LRRC28: variants seen among roughly 807,000 people sequenced by gnomAD.
The protein encoded by LRRC28 is leucine-rich repeat-containing protein 28.
LRRC28 carries 39 observed loss-of-function variants against 45.7 expected under a neutral mutation model. The observed-to-expected ratio is 0.85, with a 90% CI of 0.66 to 1.12. The LOEUF (loss-of-function observed/expected upper bound fraction) is 1.12. LRRC28 is among the 50% of genes most tolerant of loss of function. The probability of loss-of-function intolerance (pLI) is 0.00; values close to 1 mark genes in which losing one functional copy is unlikely to be tolerated. For synonymous variants in LRRC28, 206 were observed against 178.8 expected, an observed-to-expected ratio of 1.15 and a Z score of -1.22; for missense variants, 435 against 438.5, an observed-to-expected ratio of 0.99 and a Z score of 0.07.
chr15:99,252,357 T>A (rs1276883774), intron 1 of LRRC28, among the ~76,000 whole-genome samples: 1 of 152,252 alleles, frequency 6.6e-6, no homozygotes, highest in Non-Finnish European at 1.5e-5. Context: ...TTTGTTTAGA[T>A]TTTATCTCCC....
chr15:99,370,785 A>C (rs936391828), intron 9 of LRRC28, among the ~76,000 whole-genome samples: 4 of 152,196 alleles, frequency 2.6e-5, no homozygotes, highest in African/African-American at 9.7e-5. Context: ...GTGTATATCT[A>C]TGTGCACATA....
At chr15:99,382,119 G>T (rs190239409) in intron 9 of LRRC28, among the ~76,000 whole-genome samples, 205 of 152,344 alleles carry the variant, frequency 1.3e-3, no homozygotes, top group African/African-American at 4.0e-3. Flanking sequence ...GCTATGCCCT[G>T]CCCCGAGAGG....
In LRRC28 at chr15:99,342,177, T is replaced by G. The variant is rs189806887; in HGVS notation, c.592+8048T>G. 7.9e-5 allele frequency among the ~76,000 whole-genome samples: 12 copies of G among 152,318 alleles called. No individual in the cohort carries two copies. The East Asian group carries it at 2.3e-3, about 29-fold the overall frequency. On this transcript the variant is annotated intron_variant, in intron 6 of 9. Transcript: ENST00000301981. The stretch of plus-strand genomic sequence containing the variant: ...CTTTAAAGCAAGCAAAGAGAAACTT[T>G]TTTCCTCACTTATCTCTTTGGCAAT...
At chr15:99,261,027 G>C (rs1597156765) in intron 2 of LRRC28, among the ~76,000 whole-genome samples, 2 of 151,992 alleles carry the variant, frequency 1.3e-5, no homozygotes, top group South Asian at 4.2e-4. Context: ...TAGGCCTGTT[G>C]CTGAGAAGAG....
chr15:99,257,229 T>C (rs532586177), intron 2 of LRRC28, among the ~76,000 whole-genome samples: 2 of 152,370 alleles, frequency 1.3e-5, no homozygotes, highest in African/African-American at 2.4e-5. Context: ...TGCCTACTTA[T>C]ATTTCTGAAA....
chr15:99,267,418 G>A (rs1273954561), intron 2 of LRRC28, among the ~76,000 whole-genome samples: 3 of 152,184 alleles, frequency 2.0e-5, no homozygotes, highest in South Asian at 2.1e-4. Context: ...ATTAAGTTTT[G>A]TTATTAGTTT....
At chr15:99,254,204 A>C (rs1054865758) in intron 1 of LRRC28, among the ~76,000 whole-genome samples, 1 of 152,266 alleles carries the variant, frequency 6.6e-6, no homozygotes, top group African/African-American at 2.4e-5. Context: ...ATTATCTTGC[A>C]CAAAGTCACA....
intron 6 of LRRC28, among the ~76,000 whole-genome samples, chr15:99,342,270 T>C (rs2152305194): frequency 6.6e-6 from 1 of 152,300 alleles, no homozygotes; most frequent in South Asian, 2.1e-4. Flanking sequence ...TCTCTCACCC[T>C]TAGCCCCCGG....
At chr15:99,308,324 T>TA (rs956594672) in intron 5 of LRRC28, among the ~76,000 whole-genome samples, 25 of 151,516 alleles carry the variant, frequency 1.6e-4, no homozygotes, top group Admixed American at 1.1e-3. Flanking sequence ...ACTTAATCTT[T>TA]AAAAAAAAAG....
chr15:99,382,346 TC>T (rs1957854841), intron 9 of LRRC28, among the ~76,000 whole-genome samples: 1 of 152,172 alleles, frequency 6.6e-6, no homozygotes, highest in Non-Finnish European at 1.5e-5. Context: ...TGGGATATAA[TC>T]TTCTGGTGTG....
Position 99,333,988 on chromosome 15 carries a change from G to A in LRRC28, c.451G>A (p.Glu151Lys), listed in dbSNP as rs1279746274. ...TACCAATCGTTTGCTAACTTTACCC[G>A]AGAGGCTTCACATGTGCCTTTCTCT... is the stretch of plus-strand genomic sequence containing the variant. ...ISTNRLLTLP[E>K]RLHMCLSLQY... Residue 151 changes from glutamate (E) to lysine (K), a missense_variant, in exon 6 of 10, where the codon GAG becomes AAG. Glu to Lys is a moderately conservative substitution (Grantham distance 56). Transcript: ENST00000301981. 1.9e-6 allele frequency: 3 copies of A among 1,614,100 alleles called. No individual in the cohort carries two copies. Among genetic ancestry groups the A allele is most frequent in the East Asian group, 2.2e-5 (1 of 44,886 alleles).
intron 6 of LRRC28, among the ~76,000 whole-genome samples, chr15:99,348,507 C>T (rs897166158): frequency 6.6e-5 from 10 of 152,068 alleles, no homozygotes; most frequent in African/African-American, 9.7e-5. Flanking sequence ...CCAGCGTTCC[C>T]GGCACCATCT....
rs541841912 is a variant in LRRC28 at position 99,311,876 on chromosome 15, A to G, written c.386-22047A>G. Among the ~76,000 whole-genome samples, 9 of 152,306 alleles carry G rather than the reference A, an allele frequency of 5.9e-5. No homozygotes were observed. The South Asian group carries it at 1.9e-3, about 32-fold the overall frequency. ...TTCTTAATTTCTTTTAAAAAACCCT[A>G]AAGATTATTTAAAGCCATAGTCGTA... is the stretch of plus-strand genomic sequence containing the variant. On this transcript the variant is annotated intron_variant, in intron 5 of 9. Coordinates refer to ENST00000301981, the MANE Select transcript of LRRC28 (RefSeq NM_144598.5).
chr15:99,319,949 G>C (rs1955737086), intron 5 of LRRC28, among the ~76,000 whole-genome samples: 2 of 151,674 alleles, frequency 1.3e-5, no homozygotes, highest in Admixed American at 6.6e-5. Flanking sequence ...ACTACAGGTG[G>C]CCGCCACCAC....
intron 6 of LRRC28, among the ~76,000 whole-genome samples, chr15:99,342,444 C>T (rs921557801): frequency 4.6e-5 from 7 of 152,238 alleles, no homozygotes; most frequent in Admixed American, 2.6e-4. Context: ...TCTTGGACTT[C>T]GGAAGGTTAT....
At chr15:99,282,408 T>C (rs1441875206) in intron 3 of LRRC28, among the ~76,000 whole-genome samples, 1 of 152,112 alleles carries the variant, frequency 6.6e-6, no homozygotes, top group Non-Finnish European at 1.5e-5. Flanking sequence ...TAGTTGCCTT[T>C]GTTAATATCT....
chr15:99,301,253 T>A (rs1954958823), intron 5 of LRRC28, among the ~76,000 whole-genome samples: 1 of 152,212 alleles, frequency 6.6e-6, no homozygotes, highest in Admixed American at 6.5e-5. Context: ...GACTATAGAA[T>A]ACTATTTTTT....
At chr15:99,261,615 G>A (rs2081200449) in intron 2 of LRRC28, among the ~76,000 whole-genome samples, 1 of 151,746 alleles carries the variant, frequency 6.6e-6, no homozygotes, top group Non-Finnish European at 1.5e-5. Flanking sequence ...GCCTCCCAAA[G>A]GTCCCACCTC....
intron 2 of LRRC28, among the ~76,000 whole-genome samples, chr15:99,264,938 A>G (rs906975): frequency 0.094 from 14,314 of 152,224 alleles, 739 homozygotes; most frequent in African/African-American, 0.14. Flanking sequence ...TGTAAAAGTA[A>G]AGAAAGGGAG....
Sources: gnomAD v4.1 joint callset for allele counts (sites outside exome capture counted in the v4.1 genomes callset) on GRCh38, gnomAD v4.1.1 for gene constraint, MANE v1.5 for transcripts, NCBI Gene and HGNC (gene_info 2026-07-23, HGNC 2026-07-21) for gene names.